The following ARID4B variants were observed in gnomAD, a reference collection of about 807,000 sequenced individuals.
ARID4B encodes the protein AT-rich interactive domain-containing protein 4B.
Under a neutral mutation model 147.5 loss-of-function variants are expected in ARID4B, and 26 were observed. The ratio of observed to expected loss-of-function variants is 0.18; its 90% CI spans 0.13 to 0.24. The LOEUF (loss-of-function observed/expected upper bound fraction) is 0.24, where lower values mean the gene tolerates loss of function less well. Ranked by LOEUF, ARID4B falls within the 10% of genes least tolerant of loss-of-function variation. The probability of loss-of-function intolerance (pLI) is 1.00; values close to 1 mark genes in which losing one functional copy is unlikely to be tolerated. For missense variants in ARID4B, 1,179 were observed against 1,511.5 expected (o/e 0.78, Z 3.65); for synonymous variants, 512 against 507.9 (o/e 1.01, Z -0.11).
Position 235,318,836 on chromosome 1 carries a change from G to A in ARID4B, c.6+8078C>T, listed in dbSNP as rs138646745. 7.5e-4 allele frequency among the ~76,000 whole-genome samples: 114 copies of A among 152,036 alleles called. No individual in the cohort carries two copies. The East Asian group carries it at 0.014, about 19-fold the overall frequency. Reference sequence around the variant, plus strand: ...GTCGATGCTGCAGTGAGCCATGGTCGAGCCACTGCACTCCAGCCTGGGTGA... The same window carrying A: ...GTCGATGCTGCAGTGAGCCATGGTCAAGCCACTGCACTCCAGCCTGGGTGA... On this transcript the variant is annotated intron_variant, in intron 2 of 23. Coordinates refer to ENST00000264183, the MANE Select transcript of ARID4B (RefSeq NM_016374.6).
intron 2 of ARID4B, among the ~76,000 whole-genome samples, chr1:235,287,810 CA>C (rs1268480770): frequency 6.6e-6 from 1 of 152,188 alleles, no homozygotes; most frequent in African/African-American, 2.4e-5. Flanking sequence ...CAGAAGTATA[CA>C]AAAAGCAAAT....
At chr1:235,307,882 A>C (rs1264250106) in intron 2 of ARID4B, among the ~76,000 whole-genome samples, 1 of 151,956 alleles carries the variant, frequency 6.6e-6, no homozygotes, top group African/African-American at 2.4e-5. Flanking sequence ...CCCAGGCTGG[A>C]ATCTAGTGGT....
intron 8 of ARID4B, among the ~76,000 whole-genome samples, chr1:235,236,891 AG>A (rs1668649231): frequency 6.8e-5 from 1 of 14,774 alleles, no homozygotes; most frequent in Non-Finnish European, 1.6e-4. Flanking sequence ...TTTTTTTTTG[AG>A]ATAAAAGTCT....
At chr1:235,309,570 C>T (rs1185492525) in intron 2 of ARID4B, among the ~76,000 whole-genome samples, 364 of 54,298 alleles carry the variant, frequency 6.7e-3, no homozygotes, top group South Asian at 0.02. Context: ...GCCCCCCGCC[C>T]GGTCAGCCGC....
At chr1:235,255,126 T>C (rs1281917578) in intron 5 of ARID4B, among the ~76,000 whole-genome samples, 1 of 151,792 alleles carries the variant, frequency 6.6e-6, no homozygotes, top group African/African-American at 2.4e-5. Context: ...TTTATTGTAA[T>C]AGTAAGAAAA....
chr1:235,217,892 C>G (rs1444325659), intron 16 of ARID4B, among the ~76,000 whole-genome samples: 1 of 152,134 alleles, frequency 6.6e-6, no homozygotes, highest in Non-Finnish European at 1.5e-5. Flanking sequence ...CCAGTGGATG[C>G]CTGAAACCGT....
intron 17 of ARID4B, among the ~76,000 whole-genome samples, chr1:235,196,581 A>C (rs1665503336): frequency 6.6e-6 from 1 of 152,166 alleles, no homozygotes; most frequent in Non-Finnish European, 1.5e-5. Context: ...AGCCAGGCAC[A>C]GTGGCTCACA....
At chr1:235,177,941 C>T in intron 20 of ARID4B, 28 bp from the exon 21 acceptor site, 2 of 1,355,654 alleles carry the variant, frequency 1.5e-6, no homozygotes, top group Non-Finnish European at 2.0e-6. Context: ...TTAAGTAACA[C>T]AAAATAAAAT....
At chr1:235,309,124 G>A (rs1309115776) in intron 2 of ARID4B, among the ~76,000 whole-genome samples, 7 of 149,070 alleles carry the variant, frequency 4.7e-5, no homozygotes, top group Non-Finnish European at 1.0e-4. Flanking sequence ...CCTCTGCCCC[G>A]CCGCCCCGTC....
At chr1:235,279,267 A>G (rs541863693) in intron 2 of ARID4B, among the ~76,000 whole-genome samples, 2 of 152,110 alleles carry the variant, frequency 1.3e-5, no homozygotes, top group African/African-American at 4.8e-5. Flanking sequence ...TCTTAAGTAG[A>G]TATTTGTAAT....
chr1:235,288,527 T>C (rs1672128585), intron 2 of ARID4B, among the ~76,000 whole-genome samples: 1 of 152,252 alleles, frequency 6.6e-6, no homozygotes, highest in South Asian at 2.1e-4. Flanking sequence ...AAAAATGTTT[T>C]AGAGATCTTT....
Position 235,199,363 on chromosome 1 carries a change from T to A in ARID4B, c.1842-3248A>T, listed in dbSNP as rs957303289. On this transcript the variant is annotated intron_variant, in intron 17 of 23. Transcript: ENST00000264183. ...CTTGTTTTGACACTAAGTTTTTGCA[T>A]TTTTTTTTACCTTGCCAATTATGCT... Among the ~76,000 whole-genome samples the A allele has an allele frequency of 1.2e-4, 18 of 151,512 alleles. No individual in the cohort carries two copies. The South Asian group carries it at 2.5e-3, about 21-fold the overall frequency.
intron 19 of ARID4B, among the ~76,000 whole-genome samples, chr1:235,185,975 C>CT (rs35784051): frequency 0.36 from 51,907 of 143,392 alleles, 12,044 homozygotes; most frequent in East Asian, 0.81. Flanking sequence ...TAGTTATTTG[C>CT]TTTTTTTTTT....
At chr1:235,302,493 T>A (rs946229635) in intron 2 of ARID4B, among the ~76,000 whole-genome samples, 3 of 152,218 alleles carry the variant, frequency 2.0e-5, no homozygotes, top group Admixed American at 2.0e-4. Context: ...CATTACATGT[T>A]GAAATAACAA....
chr1:235,277,191 A>T (rs1671371565), intron 2 of ARID4B, among the ~76,000 whole-genome samples: 1 of 152,102 alleles, frequency 6.6e-6, no homozygotes, highest in Admixed American at 6.6e-5. Context: ...AGGTGCAACA[A>T]GACATGATCG....
intron 9 of ARID4B, among the ~76,000 whole-genome samples, chr1:235,232,374 T>C (rs1039447318): frequency 8.6e-5 from 13 of 151,728 alleles, no homozygotes; most frequent in African/African-American, 3.1e-4. Context: ...GAGCTGAGAT[T>C]GCGCCATTGC....
intron 2 of ARID4B, among the ~76,000 whole-genome samples, chr1:235,303,497 GA>G (rs1673332680): frequency 6.6e-6 from 1 of 152,096 alleles, no homozygotes; most frequent in South Asian, 2.1e-4. Flanking sequence ...GCCAAGGCAA[GA>G]AGATCATTTG....
At chr1:235,223,904 A>G (rs998043851) in intron 12 of ARID4B, among the ~76,000 whole-genome samples, 1 of 152,086 alleles carries the variant, frequency 6.6e-6, no homozygotes, top group African/African-American at 2.4e-5. Flanking sequence ...CTTATACAAG[A>G]GCCTATGAAA....
intron 23 of ARID4B, 120 bp from the exon 24 acceptor site, chr1:235,168,772 A>C: frequency 2.9e-6 from 3 of 1,044,298 alleles, no homozygotes; most frequent in Non-Finnish European, 2.7e-6. Flanking sequence ...TTAGCTTACA[A>C]CAACAGTGGT....
Sources: gnomAD v4.1 joint callset for allele counts (sites outside exome capture counted in the v4.1 genomes callset) on GRCh38, gnomAD v4.1.1 for gene constraint, MANE v1.5 for transcripts, NCBI Gene and HGNC (gene_info 2026-07-23, HGNC 2026-07-21) for gene names.